SULT2A1: variants seen among roughly 807,000 people sequenced by gnomAD.
SULT2A1 encodes the protein sulfotransferase 2A1.
SULT2A1 carries 43 observed loss-of-function variants against 33.9 expected under a neutral mutation model. That is an observed-to-expected ratio of 1.27 (90% CI 1.00 to 1.64). The LOEUF (loss-of-function observed/expected upper bound fraction) is 1.64, where lower values mean the gene tolerates loss of function less well. Among genes scored for constraint, SULT2A1 ranks in the 40% most tolerant of loss-of-function variants. SULT2A1 has a pLI of 0.00. For missense variants in SULT2A1, 300 were observed against 335.1 expected (o/e 0.90, Z 0.82); for synonymous variants, 125 against 113.6 (o/e 1.10, Z -0.64).
rs1968488153 is a variant in SULT2A1, at chr19:47,871,225, C to T, written c.*230G>A. The T allele has an allele frequency of 4.2e-6, 2 of 472,358 alleles. No individual in the cohort carries two copies. Among genetic ancestry groups the T allele is most frequent in the Non-Finnish European group, 7.5e-6 (2 of 266,072 alleles). 29.3% of individuals were successfully genotyped at this position (472,358 alleles called of 1,614,324 possible). A position where few individuals can be genotyped will look rare whatever the true frequency, so the allele number is the denominator to read the frequency against. ...CAGGATGGTCTCAGTCTCCTGACCT[C>T]GTGATCCGCCCGTCTCGGCCTCCCA... On this transcript the variant is annotated 3_prime_UTR_variant, in exon 6 of 6. Coordinates refer to ENST00000222002, the MANE Select transcript of SULT2A1 (RefSeq NM_003167.4).
intron 5 of SULT2A1, among the ~76,000 whole-genome samples, chr19:47,872,594 C>A (rs575648217): frequency 2.0e-5 from 3 of 152,000 alleles, no homozygotes; most frequent in Non-Finnish European, 2.9e-5. Context: ...AGTTTCTCAG[C>A]GAGGTTCTCT....
chr19:47,880,471 CAT>C (rs1968592910), intron 3 of SULT2A1, among the ~76,000 whole-genome samples: 1 of 151,870 alleles, frequency 6.6e-6, no homozygotes, highest in Admixed American at 6.6e-5. Context: ...AGCTAATTAA[CAT>C]ATTCATTTCC....
intron 3 of SULT2A1, among the ~76,000 whole-genome samples, 155 bp downstream of exon 3, chr19:47,881,929 T>C (rs1485878412): frequency 6.6e-6 from 1 of 152,008 alleles, no homozygotes; most frequent in Non-Finnish European, 1.5e-5. Flanking sequence ...GTTCTGCTGC[T>C]ATGCGGGAGA....
Position 47,886,259 on chromosome 19 carries a change from A to T in SULT2A1, c.-2T>A. The stretch of plus-strand genomic sequence containing the variant: ...AAACCATAAGAAATCGTCCGACATG[A>T]TGATGACCTCTTCCTGCGTGGTGTG... On this transcript the variant is annotated 5_prime_UTR_variant, in exon 1 of 6. Transcript: ENST00000222002. 4 of 1,613,964 alleles carry T rather than the reference A, an allele frequency of 2.5e-6. No homozygotes were observed. The highest frequency in any genetic ancestry group is 3.4e-6 in the Non-Finnish European group (4 of 1,179,940).
chr19:47,871,669 C>T (rs756265293), intron 5 of SULT2A1, 102 bp from the exon 6 acceptor site: 20 of 784,744 alleles, frequency 2.5e-5, no homozygotes, highest in Non-Finnish European at 3.8e-5. Context: ...GCAGAATGGC[C>T]GATGGTTCGT....
chr19:47,876,877 A>C (rs776723807), intron 4 of SULT2A1, among the ~76,000 whole-genome samples: 20 of 151,704 alleles, frequency 1.3e-4, no homozygotes, highest in Non-Finnish European at 1.8e-4. Flanking sequence ...GTTCGAGACC[A>C]GCCTGGGCAA....
At chr19:47,875,475 A>G (rs1432259088) in intron 4 of SULT2A1, among the ~76,000 whole-genome samples, 1 of 151,860 alleles carries the variant, frequency 6.6e-6, no homozygotes, top group Non-Finnish European at 1.5e-5. Context: ...CTGTCTCTAC[A>G]AAAAATACAA....
intron 4 of SULT2A1, 79 bp from the exon 5 acceptor site, chr19:47,874,913 G>A: frequency 7.5e-7 from 1 of 1,327,204 alleles, no homozygotes; most frequent in Non-Finnish European, 1.0e-6. Flanking sequence ...TGTAATCCCA[G>A]CACTCTGGGA....
At chr19:47,877,890 C>T (rs996294709) in intron 4 of SULT2A1, among the ~76,000 whole-genome samples, 3 of 152,186 alleles carry the variant, frequency 2.0e-5, no homozygotes, top group African/African-American at 4.8e-5. Flanking sequence ...TGAGTATCAT[C>T]GGACAGCTTT....
intron 2 of SULT2A1, 50 bp downstream of exon 2, chr19:47,883,527 C>A (rs1216733300): frequency 6.5e-7 from 1 of 1,546,750 alleles, no homozygotes; most frequent in African/African-American, 1.4e-5. Context: ...ATAGGCATAT[C>A]AGTGTTTGAA....
intron 4 of SULT2A1, among the ~76,000 whole-genome samples, chr19:47,877,242 CTT>C (rs796987293): frequency 7.0e-6 from 1 of 142,598 alleles, no homozygotes; most frequent in Non-Finnish European, 1.5e-5. Context: ...AGGTCAAGTT[CTT>C]TTTTTTTTTT....
At chr19:47,883,543 C>T (rs3936308) in intron 2 of SULT2A1, 34 bp downstream of exon 2, 30,018 of 1,600,330 alleles carry the variant, frequency 0.019, 718 homozygotes, top group African/African-American at 0.12. Flanking sequence ...TTGAAAGGCA[C>T]TGATCAAACA....
chr19:47,883,846 C>A, intron 1 of SULT2A1, 61 bp from the exon 2 acceptor site: 1 of 1,487,534 alleles, frequency 6.7e-7, no homozygotes, highest in East Asian at 2.4e-5. Flanking sequence ...TGGTGGCTCA[C>A]GCCTGTAATC....
At chr19:47,875,814 A>G (rs762747206) in intron 4 of SULT2A1, among the ~76,000 whole-genome samples, 10 of 152,162 alleles carry the variant, frequency 6.6e-5, no homozygotes, top group Non-Finnish European at 1.5e-4. Context: ...AATTAGGGTT[A>G]GCAAGGAGAG....
At chr19:47,886,071 G>A in intron 1 of SULT2A1, 51 bp downstream of exon 1, 1 of 1,597,580 alleles carries the variant, frequency 6.3e-7, no homozygotes, top group Non-Finnish European at 8.5e-7. Context: ...TGCACTGAAT[G>A]GACAGGAACA....
At chr19:47,878,835 A>C (rs1191544131) in intron 4 of SULT2A1, among the ~76,000 whole-genome samples, 1 of 152,052 alleles carries the variant, frequency 6.6e-6, no homozygotes, top group Non-Finnish European at 1.5e-5. Flanking sequence ...AAGATAAAAT[A>C]AGGAGCGTGA....
rs113950585 is a variant in SULT2A1, at chr19:47,878,439, C to T, written c.567+597G>A. On this transcript the variant is annotated intron_variant, in intron 4 of 5. Transcript: ENST00000222002. Reference sequence around the variant, plus strand: ...CCAGCCTCAAGTGATTCTCCCACCTCGGCCTTCCAAAGTGCTGGGATTACA... The same window carrying T: ...CCAGCCTCAAGTGATTCTCCCACCTTGGCCTTCCAAAGTGCTGGGATTACA... Among the ~76,000 whole-genome samples the T allele has an allele frequency of 9.9e-3, 1,507 of 151,608 alleles. 21 individuals are homozygous for T. The highest frequency in any genetic ancestry group is 0.035 in the African/African-American group (1,437 of 41,270).
chr19:47,884,330 T>C (rs867762109), intron 1 of SULT2A1, among the ~76,000 whole-genome samples: 1 of 150,846 alleles, frequency 6.6e-6, no homozygotes, highest in African/African-American at 2.4e-5. Flanking sequence ...CACCACCACG[T>C]CTGGCTAATT....
chr19:47,884,804 CTTTTTTT>C lies in SULT2A1; in HGVS notation c.137-1026_137-1020del, dbSNP rs71181611. ...AGCCACTGCAGCCAGCTCTCAACCACTTTTTTTTTTTTTTTTTTTTTTTTTTGAGACA... is the reference window on the plus strand; with the variant it reads ...AGCCACTGCAGCCAGCTCTCAACCACTTTTTTTTTTTTTTTTTTTGAGACA... On this transcript the variant is annotated intron_variant, in intron 1 of 5. Transcript: ENST00000222002. 6.4e-4 allele frequency among the ~76,000 whole-genome samples: 41 copies of C among 64,034 alleles called. 1 individual carries two copies. Among genetic ancestry groups the C allele is most frequent in the East Asian group, 1.6e-3 (3 of 1,830 alleles). The allele number at this position is 64,034 out of a possible 152,430, so 42.0% of individuals were successfully genotyped here. A position where few individuals can be genotyped will look rare whatever the true frequency, so the allele number is the denominator to read the frequency against.
Sources: allele counts gnomAD v4.1 joint callset (sites outside exome capture counted in the v4.1 genomes callset), GRCh38; gene constraint gnomAD v4.1.1; transcripts MANE v1.5; gene names NCBI Gene and HGNC (gene_info 2026-07-23, HGNC 2026-07-21).